The following HECW1 variants were observed in gnomAD, a reference collection of about 807,000 sequenced individuals.
The protein encoded by HECW1 is HECT, C2 and WW domain containing E3 ubiquitin protein ligase 1.
Under a neutral mutation model 182.3 loss-of-function variants are expected in HECW1, and 61 were observed. The ratio of observed to expected loss-of-function variants is 0.33; its 90% CI spans 0.27 to 0.41. The LOEUF (loss-of-function observed/expected upper bound fraction) is 0.41, where lower values mean the gene tolerates loss of function less well. Ranked by LOEUF, HECW1 falls within the 10% of genes least tolerant of loss-of-function variation. HECW1 has a pLI of 1.00. For synonymous variants in HECW1, 859 were observed against 832.6 expected (o/e 1.03, Z -0.55); for missense variants, 1,739 against 2,108.9 (o/e 0.82, Z 3.44).
In HECW1 at chr7:43,507,200, G is replaced by T. The variant is rs1017979262; in HGVS notation, c.3695G>T (p.Arg1232Leu). The T allele has an allele frequency of 6.2e-7, 1 of 1,613,816 alleles. No homozygotes were observed. The highest frequency in any genetic ancestry group is 8.5e-7 in the Non-Finnish European group (1 of 1,179,844). The change falls in exon 22 of 30, where the codon CGC becomes CTC. Residue 1232 changes from arginine to leucine, a missense_variant. Physicochemically the swap from Arg to Leu is moderately radical, Grantham distance 102 (BLOSUM62 -2). Around this residue, in one of 5 missense-constraint regions of HECW1, gnomAD observed 420 missense variants for 595.7 expected, o/e 0.71. Coordinates refer to ENST00000395891, the MANE Select transcript of HECW1 (RefSeq NM_015052.5). ...CGAAGAGACTTTGAGGCCAAGCTCCGCAATTTCTACAGAAAACTGGAAGCC... is the reference window on the plus strand; with the variant it reads ...CGAAGAGACTTTGAGGCCAAGCTCCTCAATTTCTACAGAAAACTGGAAGCC... ...PYRRDFEAKL[R>L]NFYRKLEAKG...
At chr7:43,180,794 A>C (rs1300583095) in intron 2 of HECW1, among the ~76,000 whole-genome samples, 1 of 152,246 alleles carries the variant, frequency 6.6e-6, no homozygotes, top group Non-Finnish European at 1.5e-5. Flanking sequence ...TGAACAAATC[A>C]GGGTAATTAG....
In HECW1 at chr7:43,520,418, C is replaced by T. The variant is rs78841544; in HGVS notation, c.4019+11297C>T. On this transcript the variant is annotated intron_variant, in intron 24 of 29. Transcript: ENST00000395891. ...CATCTGCCTCTCCCGGGCAGCTCCT[C>T]CTCTGCCCTCCCCACGCTTCCTTAG... Among the ~76,000 whole-genome samples, 462 of 152,274 alleles carry T rather than the reference C, an allele frequency of 3.0e-3. 9 individuals carry two copies. The East Asian group carries it at 0.045, about 15-fold the overall frequency.
Position 43,529,873 on chromosome 7 carries a change from C to T in HECW1, c.4020-11290C>T, listed in dbSNP as rs557821690. Among the ~76,000 whole-genome samples the T allele has an allele frequency of 2.1e-4, 32 of 152,302 alleles. No homozygotes were observed. In the South Asian group the frequency reaches 6.4e-3, roughly 31 times the overall value. ...CTGATTTCAGTAATCGTCACCAGCA[C>T]TGCCCTTTCCATGAGCAGCAGAGAC... On this transcript the variant is annotated intron_variant, in intron 24 of 29. Coordinates refer to ENST00000395891, the MANE Select transcript of HECW1 (RefSeq NM_015052.5).
intron 6 of HECW1, among the ~76,000 whole-genome samples, chr7:43,393,934 G>A (rs1048856350): frequency 1.3e-5 from 2 of 152,022 alleles, no homozygotes; most frequent in African/African-American, 2.4e-5. Context: ...CTAGACTTAC[G>A]ATTCTATAAA....
intron 15 of HECW1, 151 bp downstream of exon 15, chr7:43,466,719 C>A: frequency 4.5e-6 from 4 of 884,646 alleles, no homozygotes; most frequent in Non-Finnish European, 6.5e-6. Flanking sequence ...TTTGACTATC[C>A]GTGAGTCTCC....
chr7:43,523,202 C>T, intron 24 of HECW1: 1 of 244,198 alleles, frequency 4.1e-6, no homozygotes, highest in South Asian at 3.5e-5. Flanking sequence ...AGGGGTTTCT[C>T]CATGTTGGCC....
chr7:43,474,191 T>A (rs1205673525), intron 16 of HECW1, among the ~76,000 whole-genome samples: 2 of 152,224 alleles, frequency 1.3e-5, no homozygotes, highest in Non-Finnish European at 2.9e-5. Flanking sequence ...GGCTCACGCC[T>A]GTAATCCCAG....
intron 6 of HECW1, among the ~76,000 whole-genome samples, chr7:43,364,151 C>G (rs189763348): frequency 6.6e-6 from 1 of 152,316 alleles, no homozygotes; most frequent in East Asian, 1.9e-4. Context: ...TACGCTAAAC[C>G]TACCATTCTT....
At chr7:43,472,106 T>A (rs571518849) in intron 16 of HECW1, among the ~76,000 whole-genome samples, 1 of 152,020 alleles carries the variant, frequency 6.6e-6, no homozygotes, top group African/African-American at 2.4e-5. Flanking sequence ...AAGGTAATAA[T>A]AGCATAGGGA....
intron 17 of HECW1, among the ~76,000 whole-genome samples, chr7:43,491,446 A>G (rs990294372): frequency 1.3e-5 from 2 of 152,230 alleles, no homozygotes; most frequent in African/African-American, 2.4e-5. Flanking sequence ...TCCATTATAC[A>G]TTTGGTACTA....
At chr7:43,272,408 G>C (rs1802524126) in intron 3 of HECW1, among the ~76,000 whole-genome samples, 1 of 151,898 alleles carries the variant, frequency 6.6e-6, no homozygotes, top group Admixed American at 6.6e-5. Flanking sequence ...CTACAGAATG[G>C]GAGAAAATAT....
intron 11 of HECW1, among the ~76,000 whole-genome samples, chr7:43,450,187 A>C (rs2152883717): frequency 6.6e-6 from 1 of 150,658 alleles, no homozygotes; most frequent in African/African-American, 2.4e-5. Flanking sequence ...GGCTTGTCTG[A>C]TTTCTCCTCA....
intron 8 of HECW1, among the ~76,000 whole-genome samples, chr7:43,411,459 T>A (rs1472809776): frequency 6.6e-6 from 1 of 152,182 alleles, no homozygotes; most frequent in African/African-American, 2.4e-5. Flanking sequence ...ATTCTCCTAT[T>A]GTGGCATATC....
At chr7:43,513,428 G>C (rs1039108094) in intron 24 of HECW1, among the ~76,000 whole-genome samples, 1 of 152,206 alleles carries the variant, frequency 6.6e-6, no homozygotes, top group Non-Finnish European at 1.5e-5. Context: ...ACCCCTGACA[G>C]TGTGTCCTTC....
chr7:43,355,455 A>G (rs1815003855), intron 5 of HECW1, among the ~76,000 whole-genome samples: 1 of 152,158 alleles, frequency 6.6e-6, no homozygotes, highest in African/African-American at 2.4e-5. Flanking sequence ...ATGGAGTTAA[A>G]TTATAGAGGC....
At chr7:43,147,936 T>C (rs1472414675) in intron 2 of HECW1, among the ~76,000 whole-genome samples, 2 of 152,218 alleles carry the variant, frequency 1.3e-5, no homozygotes, top group African/African-American at 4.8e-5. Flanking sequence ...TTAGTACATA[T>C]TTGGGTCACT....
Position 43,135,214 on chromosome 7 carries a change from G to C in HECW1, c.-32+20823G>C, listed in dbSNP as rs76903407. On this transcript the variant is annotated intron_variant, in intron 2 of 29. Coordinates refer to ENST00000395891, the MANE Select transcript of HECW1 (RefSeq NM_015052.5). The stretch of plus-strand genomic sequence containing the variant: ...ATCTCCCAGTCTTCCTTACAGGGAG[G>C]GGGTAGTCATATGACATATTTGAAT... Among the ~76,000 whole-genome samples the C allele has an allele frequency of 7.8e-3, 1,183 of 152,134 alleles. 19 individuals carry two copies. The highest frequency in any genetic ancestry group is 0.027 in the African/African-American group (1,132 of 41,482).
chr7:43,304,258 G>A (rs1187787603), intron 3 of HECW1, among the ~76,000 whole-genome samples: 7 of 151,980 alleles, frequency 4.6e-5, no homozygotes, highest in Admixed American at 4.6e-4. Flanking sequence ...CTGCCTCAGG[G>A]ATTCCCGGTG....
At chr7:43,206,868 G>A (rs550223877) in intron 2 of HECW1, among the ~76,000 whole-genome samples, 12 of 152,026 alleles carry the variant, frequency 7.9e-5, no homozygotes, top group Middle Eastern at 3.2e-3. Flanking sequence ...AAACTCTCTC[G>A]GTCTTTGTTA....
Sources: allele counts gnomAD v4.1 joint callset (sites outside exome capture counted in the v4.1 genomes callset), GRCh38; gene constraint gnomAD v4.1.1; regional missense constraint gnomAD v4.1.1; transcripts MANE v1.5; gene names NCBI Gene and HGNC (gene_info 2026-07-23, HGNC 2026-07-21).